MAPK10: variants seen among roughly 807,000 people sequenced by gnomAD.
MAPK10 encodes mitogen-activated protein kinase 10, also known as JNK3 alpha protein kinase.
Under a neutral mutation model 59.3 loss-of-function variants are expected in MAPK10, and 25 were observed. That is an observed-to-expected ratio of 0.42 (90% CI 0.31 to 0.59). The LOEUF is 0.59. Among genes scored for constraint, MAPK10 ranks in the 20% least tolerant of loss-of-function variants. MAPK10 has a pLI of 0.15. For synonymous variants in MAPK10, 190 were observed against 200.5 expected (o/e 0.95, Z 0.44); for missense variants, 351 against 568.9 (o/e 0.62, Z 3.90).
chr4:86,552,282 G>T (rs947290876), intron 1 of MAPK10, among the ~76,000 whole-genome samples: 1 of 151,740 alleles, frequency 6.6e-6, no homozygotes, highest in Non-Finnish European at 1.5e-5. Context: ...TTAGCCAGGC[G>T]TGGAGGTGCA....
chr4:86,064,648 A>C, intron 10 of MAPK10: 1 of 435,054 alleles, frequency 2.3e-6, no homozygotes, highest in Admixed American at 3.8e-5. Flanking sequence ...TCTTAGTAAA[A>C]TGTATCAACC....
chr4:86,145,955 G>T (rs73837426), intron 4 of MAPK10, among the ~76,000 whole-genome samples: 7,451 of 152,202 alleles, frequency 0.049, 607 homozygotes, highest in African/African-American at 0.17. Flanking sequence ...TCACAGAAAA[G>T]GAGTCCGTCT....
chr4:86,013,201 A>G lies in MAPK10; in HGVS notation c.*4027T>C, dbSNP rs1257944947. ...GTACCAAAAGAAATAACAAAATCTTATCCTCTAATCACAAAGAAAATAGCT... is the reference window on the plus strand; with the variant it reads ...GTACCAAAAGAAATAACAAAATCTTGTCCTCTAATCACAAAGAAAATAGCT... On this transcript the variant is annotated 3_prime_UTR_variant, in exon 14 of 14. Coordinates refer to ENST00000641462, the MANE Select transcript of MAPK10 (RefSeq NM_138982.4). 2.0e-5 allele frequency: 3 copies of G among 152,250 alleles called. No individual in the cohort carries two copies. Among genetic ancestry groups the G allele is most frequent in the African/African-American group, 7.2e-5 (3 of 41,468 alleles). The allele number at this position is 152,250 out of a possible 1,614,324, so 9.4% of individuals were successfully genotyped here. A position where few individuals can be genotyped will look rare whatever the true frequency, so the allele number is the denominator to read the frequency against.
chr4:86,491,536 G>C (rs1423146301), intron 1 of MAPK10, among the ~76,000 whole-genome samples: 1 of 152,128 alleles, frequency 6.6e-6, no homozygotes, highest in Non-Finnish European at 1.5e-5. Flanking sequence ...CAAAATATCT[G>C]GTTTCGCAGG....
intron 3 of MAPK10, among the ~76,000 whole-genome samples, chr4:86,173,217 A>G (rs2074806656): frequency 6.6e-6 from 1 of 152,336 alleles, no homozygotes; most frequent in South Asian, 2.1e-4. Context: ...CTGACTTCAA[A>G]CTATACTACA....
intron 2 of MAPK10, among the ~76,000 whole-genome samples, chr4:86,293,958 G>A (rs965950995): frequency 9.2e-5 from 14 of 152,260 alleles, no homozygotes; most frequent in Non-Finnish European, 2.1e-4. Context: ...AAACTACACC[G>A]CTCTGCCTGA....
intron 2 of MAPK10, among the ~76,000 whole-genome samples, chr4:86,303,615 T>C (rs990398830): frequency 6.6e-6 from 1 of 152,192 alleles, no homozygotes; most frequent in African/African-American, 2.4e-5. Flanking sequence ...AATGCCACAC[T>C]GAGAAGGTGG....
At chr4:86,031,340 A>G in intron 12 of MAPK10, 28 bp downstream of exon 12, 2 of 1,499,954 alleles carry the variant, frequency 1.3e-6, no homozygotes, top group Non-Finnish European at 1.9e-6. Flanking sequence ...TAAAATAAAA[A>G]GTATACTTTT....
intron 2 of MAPK10, among the ~76,000 whole-genome samples, chr4:86,232,061 T>C (rs539294593): frequency 2.0e-5 from 3 of 152,376 alleles, no homozygotes; most frequent in South Asian, 4.1e-4. Context: ...TATTTTAGAC[T>C]TTGAAAGCCA....
At chr4:86,591,780 C>A (rs888801177) in intron 1 of MAPK10, among the ~76,000 whole-genome samples, 4 of 152,108 alleles carry the variant, frequency 2.6e-5, no homozygotes, top group African/African-American at 9.7e-5. Context: ...AAACAAATGA[C>A]AACCCTGACT....
chr4:86,450,221 TA>T (rs1215506331), intron 1 of MAPK10, among the ~76,000 whole-genome samples: 3 of 152,242 alleles, frequency 2.0e-5, no homozygotes, highest in Non-Finnish European at 4.4e-5. Flanking sequence ...AAATATCTCT[TA>T]CCATTTAGTA....
chr4:86,117,283 C>T (rs949662614), intron 4 of MAPK10, among the ~76,000 whole-genome samples: 3 of 152,144 alleles, frequency 2.0e-5, no homozygotes, highest in Non-Finnish European at 2.9e-5. Context: ...TACATATATA[C>T]GCTGTAGCCA....
At chr4:86,551,504 C>T (rs1261714560) in intron 1 of MAPK10, among the ~76,000 whole-genome samples, 2 of 152,008 alleles carry the variant, frequency 1.3e-5, no homozygotes, top group Non-Finnish European at 2.9e-5. Context: ...AGTTTACTTC[C>T]TTCCTTGTTT....
intron 2 of MAPK10, among the ~76,000 whole-genome samples, chr4:86,295,330 C>T (rs148726291): frequency 1.3e-5 from 2 of 152,194 alleles, no homozygotes; most frequent in Non-Finnish European, 2.9e-5. Flanking sequence ...TCAGTGAAGC[C>T]CTCCTTGACC....
intron 1 of MAPK10, among the ~76,000 whole-genome samples, chr4:86,467,778 A>G (rs1161422043): frequency 2.6e-5 from 4 of 152,174 alleles, no homozygotes. Flanking sequence ...TCGGCCTCCC[A>G]AAGTGCGGGA....
At chr4:86,488,148 A>G (rs1289521579) in intron 1 of MAPK10, among the ~76,000 whole-genome samples, 1 of 152,116 alleles carries the variant, frequency 6.6e-6, no homozygotes, top group African/African-American at 2.4e-5. Context: ...GCTCCCTCAC[A>G]CCATTCCCCC....
intron 2 of MAPK10, among the ~76,000 whole-genome samples, chr4:86,227,497 A>AAAG (rs1377649966): frequency 2.0e-5 from 3 of 151,686 alleles, no homozygotes; most frequent in African/African-American, 7.3e-5. Flanking sequence ...AAAAAAAAAA[A>AAAG]AAAGAAAGAA....
chr4:86,310,553 A>G (rs1271382709), intron 2 of MAPK10, among the ~76,000 whole-genome samples: 2 of 152,320 alleles, frequency 1.3e-5, no homozygotes, highest in East Asian at 3.9e-4. Context: ...TGGATTTACC[A>G]CAAGTAACTT....
chr4:86,343,316 C>T (rs1393203368), intron 2 of MAPK10, among the ~76,000 whole-genome samples: 1 of 152,116 alleles, frequency 6.6e-6, no homozygotes, highest in Non-Finnish European at 1.5e-5. Context: ...AAAGTACATC[C>T]CTCTTGTTAG....
Sources: allele counts gnomAD v4.1 joint callset (sites outside exome capture counted in the v4.1 genomes callset), GRCh38; gene constraint gnomAD v4.1.1; transcripts MANE v1.5; gene names NCBI Gene and HGNC (gene_info 2026-07-23, HGNC 2026-07-21).